Variants in RASA2 observed in about 807,000 individuals in gnomAD.
The protein encoded by RASA2 is RAS p21 protein activator 2.
RASA2 carries 155 observed loss-of-function variants against 118.2 expected under a neutral mutation model. The observed-to-expected ratio is 1.31, with a 90% CI of 1.15 to 1.50. The LOEUF is 1.50. Among genes scored for constraint, RASA2 ranks in the 40% most tolerant of loss-of-function variants. The probability of loss-of-function intolerance (pLI) is 0.00; values close to 1 mark genes in which losing one functional copy is unlikely to be tolerated. For missense variants in RASA2, 1,016 were observed against 1,009.6 expected, an observed-to-expected ratio of 1.01 and a Z score of -0.09; for synonymous variants, 353 against 349.1, an observed-to-expected ratio of 1.01 and a Z score of -0.12.
intron 4 of RASA2, among the ~76,000 whole-genome samples, chr3:141,538,265 T>A (rs2082357501): frequency 6.6e-6 from 1 of 152,208 alleles, no homozygotes; most frequent in Non-Finnish European, 1.5e-5. Context: ...AAAGCAGTTT[T>A]AAATAATTTA....
At chr3:141,596,819 A>G (rs1229132900) in intron 19 of RASA2, among the ~76,000 whole-genome samples, 3 of 152,366 alleles carry the variant, frequency 2.0e-5, no homozygotes, top group Non-Finnish European at 4.4e-5. Context: ...AATGTGGAGA[A>G]ACAGAAACCC....
At chr3:141,588,806 A>G (rs771925983) in intron 19 of RASA2, among the ~76,000 whole-genome samples, 20 of 152,126 alleles carry the variant, frequency 1.3e-4, no homozygotes, top group East Asian at 1.9e-4. Flanking sequence ...CTAAAAGTCA[A>G]TAGGCTACAT....
intron 1 of RASA2, among the ~76,000 whole-genome samples, chr3:141,490,782 C>T (rs2081631079): frequency 6.6e-6 from 1 of 152,164 alleles, no homozygotes; most frequent in Non-Finnish European, 1.5e-5. Flanking sequence ...GAATCTTCAC[C>T]TAATTTCCAA....
At chr3:141,510,067 A>G (rs892663455) in intron 1 of RASA2, among the ~76,000 whole-genome samples, 4 of 152,046 alleles carry the variant, frequency 2.6e-5, no homozygotes, top group African/African-American at 9.7e-5. Context: ...GAGTTTTTTT[A>G]TAGGTGCTTC....
At chr3:141,516,501 T>G in intron 3 of RASA2, 70 bp downstream of exon 3, 1 of 1,173,236 alleles carries the variant, frequency 8.5e-7, no homozygotes, top group Non-Finnish European at 1.1e-6. Context: ...CTTAGTATAG[T>G]TTTGAAAATT....
intron 9 of RASA2, among the ~76,000 whole-genome samples, chr3:141,564,867 TAAC>T (rs1277127513): frequency 3.3e-5 from 5 of 152,244 alleles, no homozygotes; most frequent in African/African-American, 1.2e-4. Flanking sequence ...ATTGGTCACT[TAAC>T]AATCCAGGTA....
chr3:141,571,656 C>T (rs2082922202), intron 11 of RASA2, 102 bp downstream of exon 11: 1 of 1,184,130 alleles, frequency 8.4e-7, no homozygotes, highest in Admixed American at 2.8e-5. Context: ...ATTGATCAGC[C>T]TTACTGTATA....
chr3:141,530,089 G>A (rs1027725036), intron 4 of RASA2, among the ~76,000 whole-genome samples: 1 of 152,018 alleles, frequency 6.6e-6, no homozygotes, highest in Non-Finnish European at 1.5e-5. Context: ...TGTCTTTGAG[G>A]GGAAAAGTTT....
intron 5 of RASA2, among the ~76,000 whole-genome samples, chr3:141,547,714 C>G (rs900034952): frequency 6.6e-5 from 10 of 152,032 alleles, no homozygotes; most frequent in Non-Finnish European, 1.5e-4. Context: ...ATTGCTCTAG[C>G]TAGGACTTGA....
At chr3:141,601,958 G>C (rs751079087) in intron 19 of RASA2, among the ~76,000 whole-genome samples, 24 of 152,086 alleles carry the variant, frequency 1.6e-4, no homozygotes, top group Non-Finnish European at 3.1e-4. Context: ...TTCAGCTCCA[G>C]AATTTCCATT....
chr3:141,594,795 T>G (rs554353283), intron 19 of RASA2, among the ~76,000 whole-genome samples: 1 of 151,872 alleles, frequency 6.6e-6, no homozygotes, highest in Non-Finnish European at 1.5e-5. Flanking sequence ...AAGGAAATAA[T>G]ACCAGATGGA....
rs1346041648 is a variant in RASA2, at chr3:141,614,421, A to G, written c.*2108A>G. ...TTTTGAAATAAGAGACCATGTAAGT[A>G]GGACCCTAAGACAACCAAGGAATTT... On this transcript the variant is annotated 3_prime_UTR_variant, in exon 24 of 24. Transcript: ENST00000286364. The G allele has an allele frequency of 6.6e-6, 1 of 152,236 alleles. No homozygotes were observed. Among genetic ancestry groups the G allele is most frequent in the Non-Finnish European group, 1.5e-5 (1 of 68,036 alleles). The allele number at this position is 152,236 out of a possible 1,614,324, so 9.4% of individuals were successfully genotyped here. A position where few individuals can be genotyped will look rare whatever the true frequency, so the allele number is the denominator to read the frequency against.
intron 1 of RASA2, among the ~76,000 whole-genome samples, chr3:141,496,864 A>T (rs2151069933): frequency 6.6e-6 from 1 of 152,270 alleles, no homozygotes; most frequent in East Asian, 1.9e-4. Flanking sequence ...ACACATGCAC[A>T]CGTATGTTTA....
chr3:141,605,087 A>G (rs1298633840), intron 19 of RASA2, among the ~76,000 whole-genome samples: 2 of 152,028 alleles, frequency 1.3e-5, no homozygotes, highest in South Asian at 2.1e-4. Flanking sequence ...TGACTCTTCT[A>G]TCTAAAAACT....
At chr3:141,580,058 G>GA (rs1224245090) in intron 15 of RASA2, among the ~76,000 whole-genome samples, 356 of 18,548 alleles carry the variant, frequency 0.019, 41 homozygotes, top group Middle Eastern at 0.1. Flanking sequence ...TCCATCTCAG[G>GA]AAAAAAAAAA....
intron 5 of RASA2, among the ~76,000 whole-genome samples, chr3:141,550,298 C>T (rs781020970): frequency 1.3e-5 from 2 of 152,144 alleles, no homozygotes; most frequent in African/African-American, 4.8e-5. Context: ...AGATACATAA[C>T]CTCAACCTAA....
At chr3:141,495,268 A>T (rs1295824898) in intron 1 of RASA2, among the ~76,000 whole-genome samples, 1 of 152,246 alleles carries the variant, frequency 6.6e-6, no homozygotes, top group Non-Finnish European at 1.5e-5. Flanking sequence ...GACCAAGGTT[A>T]GATGGCTGGT....
intron 7 of RASA2, among the ~76,000 whole-genome samples, chr3:141,557,404 T>G (rs1256572461): frequency 6.6e-6 from 1 of 152,210 alleles, no homozygotes; most frequent in Non-Finnish European, 1.5e-5. Flanking sequence ...AAGAGAGTAT[T>G]AGAGATGACG....
intron 1 of RASA2, among the ~76,000 whole-genome samples, chr3:141,489,230 A>G (rs75629136): frequency 2.9e-5 from 4 of 137,918 alleles, no homozygotes; most frequent in Admixed American, 2.1e-4. Context: ...TGCTTTCTAG[A>G]AAAAAAAAAT....
Sources: allele counts gnomAD v4.1 joint callset (sites outside exome capture counted in the v4.1 genomes callset), GRCh38; gene constraint gnomAD v4.1.1; transcripts MANE v1.5; gene names NCBI Gene and HGNC (gene_info 2026-07-23, HGNC 2026-07-21).